CHST8: variants seen among roughly 807,000 people sequenced by gnomAD.
The protein encoded by CHST8 is carbohydrate sulfotransferase 8.
A neutral mutation model predicts 15.0 loss-of-function variants in CHST8; 10 were observed. That is an observed-to-expected ratio of 0.67 (90% CI 0.41 to 1.13). The LOEUF is 1.13. Ranked by LOEUF, CHST8 falls within the 50% of genes most tolerant of loss-of-function variation. CHST8 has a pLI of 0.00. For missense variants in CHST8, 634 were observed against 608.2 expected (o/e 1.04, Z -0.45); for synonymous variants, 259 against 256.6 (o/e 1.01, Z -0.09).
At chr19:33,763,027 C>G (rs1344021761) in intron 3 of CHST8, among the ~76,000 whole-genome samples, 3 of 152,074 alleles carry the variant, frequency 2.0e-5, no homozygotes, top group African/African-American at 7.2e-5. Flanking sequence ...CACCATCATG[C>G]CTGGCTAATT....
At chr19:33,739,160 G>A (rs947244745) in intron 3 of CHST8, among the ~76,000 whole-genome samples, 2 of 152,158 alleles carry the variant, frequency 1.3e-5, no homozygotes, top group African/African-American at 4.8e-5. Context: ...AAAGTTCTGG[G>A]AGATTTAGAA....
intron 3 of CHST8, among the ~76,000 whole-genome samples, chr19:33,751,018 CT>C (rs886296223): frequency 3.9e-5 from 6 of 152,138 alleles, no homozygotes; most frequent in African/African-American, 9.7e-5. Flanking sequence ...ACAAGCTCTC[CT>C]TTTAATAATG....
chr19:33,656,212 C>T (rs963498528), intron 1 of CHST8, among the ~76,000 whole-genome samples: 1 of 152,008 alleles, frequency 6.6e-6, no homozygotes, highest in Non-Finnish European at 1.5e-5. Context: ...GTATCCCATA[C>T]ATTTTTTAAA....
intron 2 of CHST8, among the ~76,000 whole-genome samples, chr19:33,669,606 C>G (rs1487804275): frequency 6.6e-6 from 1 of 152,178 alleles, no homozygotes; most frequent in Non-Finnish European, 1.5e-5. Flanking sequence ...CTGTGCAAAA[C>G]CCTGGCAGTC....
At chr19:33,673,843 T>A (rs760154476) in intron 2 of CHST8, among the ~76,000 whole-genome samples, 18 of 152,150 alleles carry the variant, frequency 1.2e-4, no homozygotes, top group Non-Finnish European at 2.5e-4. Flanking sequence ...TACCTCCACC[T>A]CCCGGGTTCC....
At chr19:33,717,316 C>T (rs1267581445) in intron 3 of CHST8, among the ~76,000 whole-genome samples, 3 of 151,956 alleles carry the variant, frequency 2.0e-5, no homozygotes, top group African/African-American at 7.3e-5. Flanking sequence ...CAAAAATTAG[C>T]CAGGCGTGGT....
chr19:33,643,551 T>A (rs1007453146), intron 1 of CHST8, among the ~76,000 whole-genome samples: 3 of 152,206 alleles, frequency 2.0e-5, no homozygotes, highest in South Asian at 2.1e-4. Flanking sequence ...GCCAGCCAGT[T>A]GTACCAGCAT....
chr19:33,690,092 G>C lies in CHST8; in HGVS notation c.130+701G>C, dbSNP rs565709259. ...AGAGATATGGAAGGACAGGAGGTCA[G>C]CTGGCAGGGTGCCAAGGCCTGGGAA... On this transcript the variant is annotated intron_variant, in intron 3 of 4. Transcript: ENST00000650847. 1.1e-4 allele frequency among the ~76,000 whole-genome samples: 16 copies of C among 152,308 alleles called. No individual in the cohort carries two copies. In the South Asian group the frequency reaches 3.3e-3, roughly 32 times the overall value.
chr19:33,696,393 G>A (rs1973218565), intron 3 of CHST8, among the ~76,000 whole-genome samples: 1 of 152,016 alleles, frequency 6.6e-6, no homozygotes, highest in Non-Finnish European at 1.5e-5. Context: ...TCAAAGCTGA[G>A]CTCGGCCTAC....
intron 3 of CHST8, among the ~76,000 whole-genome samples, chr19:33,745,338 G>C (rs1218507864): frequency 1.3e-5 from 2 of 152,134 alleles, no homozygotes; most frequent in African/African-American, 4.8e-5. Context: ...TACATGCCAG[G>C]GCATTTTCTT....
intron 3 of CHST8, among the ~76,000 whole-genome samples, chr19:33,748,945 A>G (rs1974362770): frequency 6.6e-6 from 1 of 152,140 alleles, no homozygotes; most frequent in Admixed American, 6.5e-5. Flanking sequence ...AGCCTCAAGG[A>G]GTGAGGCTGG....
At chr19:33,680,976 T>G (rs1158421580) in intron 2 of CHST8, among the ~76,000 whole-genome samples, 1 of 152,198 alleles carries the variant, frequency 6.6e-6, no homozygotes, top group East Asian at 1.9e-4. Context: ...CTTACACACT[T>G]TCCCCAATTG....
At chr19:33,654,889 A>G (rs1972491322) in intron 1 of CHST8, among the ~76,000 whole-genome samples, 2 of 152,120 alleles carry the variant, frequency 1.3e-5, no homozygotes, top group African/African-American at 4.8e-5. Flanking sequence ...CTTCTGGGGC[A>G]CCTGCTGACA....
intron 3 of CHST8, among the ~76,000 whole-genome samples, chr19:33,691,275 C>T (rs1303938140): frequency 2.0e-5 from 3 of 152,136 alleles, no homozygotes; most frequent in Admixed American, 1.3e-4. Flanking sequence ...GGCACGGAGC[C>T]GAGGCCATCA....
chr19:33,759,004 C>T (rs556212093), intron 3 of CHST8, among the ~76,000 whole-genome samples: 1 of 152,004 alleles, frequency 6.6e-6, no homozygotes. Flanking sequence ...AAAGCAGGAA[C>T]AAAGGGTGAG....
At chr19:33,704,475 G>A (rs1376574162) in intron 3 of CHST8, among the ~76,000 whole-genome samples, 2 of 152,362 alleles carry the variant, frequency 1.3e-5, no homozygotes, top group South Asian at 2.1e-4. Context: ...GGGGGAAAGG[G>A]GATGGGGTGA....
intron 3 of CHST8, among the ~76,000 whole-genome samples, chr19:33,727,634 C>T (rs1245115745): frequency 6.6e-6 from 1 of 152,172 alleles, no homozygotes; most frequent in Non-Finnish European, 1.5e-5. Context: ...GGGAATCTGG[C>T]CATTTGCTCC....
chr19:33,770,873 T>C (rs967250731), intron 3 of CHST8, among the ~76,000 whole-genome samples: 1 of 152,158 alleles, frequency 6.6e-6, no homozygotes, highest in African/African-American at 2.4e-5. Context: ...GAACTTCCTG[T>C]AGCAAGAGGA....
chr19:33,669,939 T>C (rs1972714558), intron 2 of CHST8, among the ~76,000 whole-genome samples: 1 of 152,252 alleles, frequency 6.6e-6, no homozygotes, highest in African/African-American at 2.4e-5. Context: ...GTCAAATTTC[T>C]TCTAAGTGAG....
Sources: gnomAD v4.1 joint callset for allele counts (sites outside exome capture counted in the v4.1 genomes callset) on GRCh38, gnomAD v4.1.1 for gene constraint, MANE v1.5 for transcripts, NCBI Gene and HGNC (gene_info 2026-07-23, HGNC 2026-07-21) for gene names.